AXL: variants seen among roughly 807,000 people sequenced by gnomAD.
The protein encoded by AXL is AXL receptor tyrosine kinase, also known as tyrosine-protein kinase receptor UFO.
AXL carries 52 observed loss-of-function variants against 104.5 expected under a neutral mutation model. The observed-to-expected ratio is 0.50, with a 90% CI of 0.40 to 0.63. The LOEUF (loss-of-function observed/expected upper bound fraction) is 0.63, where lower values mean the gene tolerates loss of function less well. Among genes scored for constraint, AXL ranks in the 20% least tolerant of loss-of-function variants. AXL has a pLI of 0.00. For missense variants in AXL, 1,024 were observed against 1,188.5 expected (o/e 0.86, Z 2.04); for synonymous variants, 455 against 473.7 (o/e 0.96, Z 0.51).
Position 41,219,421 on chromosome 19 carries a change from G to C in AXL, c.29G>C (p.Arg10Thr). The change falls in exon 1 of 20, where the codon AGG becomes ACG. Residue 10 changes from arginine (R) to threonine (T), a missense_variant. By Grantham distance (71) the Arg-to-Thr change is moderately conservative (BLOSUM62 -1). Transcript: ENST00000301178. ...GCGTGGCGGTGCCCCAGGATGGGCA[G>C]GGTCCCGCTGGCCTGGTGCTTGGCG... MAWRCPRMG[R>T]VPLAWCLALC... is the part of the protein sequence containing the mutation. The C allele has an allele frequency of 6.2e-7, 1 of 1,605,530 alleles. No individual in the cohort carries two copies. The highest frequency in any genetic ancestry group is 8.5e-7 in the Non-Finnish European group (1 of 1,176,384).
chr19:41,253,728 C>T lies in AXL; in HGVS notation c.2036+20C>T. 2 of 452,032 alleles carry T rather than the reference C, an allele frequency of 4.4e-6. No individual in the cohort carries two copies. The highest frequency in any genetic ancestry group is 9.5e-5 in the East Asian group (1 of 10,536). 28.0% of individuals were successfully genotyped at this position (452,032 alleles called of 1,614,324 possible). ...CTGCATGTGAGTGCCTTTCAGGGAC[C>T]CCCCCCCCCCAACTGCTCCTGCACT... On this transcript the variant is annotated intron_variant, in intron 17 of 19. Coordinates refer to ENST00000301178, the MANE Select transcript of AXL (RefSeq NM_021913.5).
rs201596308 is a variant in AXL, at chr19:41,238,061, C to T, written c.901C>T (p.Pro301Ser). ...TCAGCTTCGGCTAGGCAGCCTCCAT[C>T]CTCACACCCCTTATCACATCCGCGT... ...PHQLRLGSLH[P>S]HTPYHIRVAC... Residue 301 changes from proline to serine, a missense_variant, in exon 7 of 20, where the codon CCT becomes TCT. Around this residue, in one of 5 missense-constraint regions of AXL, gnomAD observed 332 missense variants for 343.9 expected, o/e 0.97. Transcript: ENST00000301178. The T allele has an allele frequency of 5.8e-5, 93 of 1,614,086 alleles. No homozygotes were observed. Among genetic ancestry groups the T allele is most frequent in the Middle Eastern group, 1.7e-4 (1 of 6,060 alleles).
At chr19:41,253,041 C>A in intron 16 of AXL, 74 bp downstream of exon 16, 1 of 1,522,376 alleles carries the variant, frequency 6.6e-7, no homozygotes, top group Non-Finnish European at 9.0e-7. Context: ...TGCTCAGACC[C>A]TGGGAAGACC....
intron 1 of AXL, among the ~76,000 whole-genome samples, chr19:41,220,124 C>G (rs148436831): frequency 0.024 from 3,578 of 152,020 alleles, 81 homozygotes; most frequent in Middle Eastern, 0.048. Context: ...CCGCCCCCAC[C>G]TTTTCTTCTC....
chr19:41,232,825 T>A (rs1056520797), intron 6 of AXL, among the ~76,000 whole-genome samples: 2 of 151,946 alleles, frequency 1.3e-5, no homozygotes, highest in African/African-American at 4.8e-5. Flanking sequence ...GTGCACCGGG[T>A]CTTGCATTAA....
At chr19:41,234,862 C>T (rs1195746016) in intron 6 of AXL, among the ~76,000 whole-genome samples, 1 of 152,194 alleles carries the variant, frequency 6.6e-6, no homozygotes, top group Non-Finnish European at 1.5e-5. Context: ...AAGCCCTTGG[C>T]TGCACCATTC....
At chr19:41,244,091 C>G (rs2034231327) in intron 12 of AXL, among the ~76,000 whole-genome samples, 2 of 151,874 alleles carry the variant, frequency 1.3e-5, no homozygotes, top group Non-Finnish European at 1.5e-5. Context: ...GTACTCCCTG[C>G]TACTCGGGAG....
At chr19:41,222,199 GTCTGTCTCTGCCTC>G (rs2033803682) in intron 4 of AXL, 143 bp downstream of exon 4, 2 of 928,348 alleles carry the variant, frequency 2.2e-6, no homozygotes, top group Admixed American at 6.6e-5. Context: ...CTCCCTCTGA[GTCTGTCTCTGCCTC>G]TCTGTCTCTA....
At chr19:41,232,537 C>T (rs529064535) in intron 6 of AXL, among the ~76,000 whole-genome samples, 4 of 151,972 alleles carry the variant, frequency 2.6e-5, no homozygotes, top group African/African-American at 9.6e-5. Flanking sequence ...GCAGGAGAAT[C>T]CCTTGAACCC....
chr19:41,231,423 G>A, intron 6 of AXL, 125 bp downstream of exon 6: 1 of 880,398 alleles, frequency 1.1e-6, no homozygotes, highest in Non-Finnish European at 1.7e-6. Flanking sequence ...GAGCCTGGGG[G>A]GTTAAGCCAG....
chr19:41,227,567 C>T (rs1361239908), intron 4 of AXL, among the ~76,000 whole-genome samples: 1 of 151,202 alleles, frequency 6.6e-6, no homozygotes, highest in African/African-American at 2.4e-5. Context: ...CTCACTGCAA[C>T]CTCCGCAGCC....
At chr19:41,258,646 G>T (rs1314184879) in intron 19 of AXL, among the ~76,000 whole-genome samples, 1 of 152,146 alleles carries the variant, frequency 6.6e-6, no homozygotes, top group Non-Finnish European at 1.5e-5. Flanking sequence ...TTGATATCGT[G>T]ACCTCATGAT....
intron 4 of AXL, among the ~76,000 whole-genome samples, chr19:41,222,891 G>GAA (rs1277462782): frequency 1.3e-5 from 2 of 149,296 alleles, no homozygotes; most frequent in East Asian, 4.0e-4. Context: ...GGGCGACAGG[G>GAA]CGAGACTCCA....
intron 10 of AXL, among the ~76,000 whole-genome samples, chr19:41,240,147 G>A (rs1048656509): frequency 3.3e-5 from 5 of 151,400 alleles, no homozygotes; most frequent in Non-Finnish European, 7.4e-5. Context: ...GATGAATAGA[G>A]GGTGGATAGG....
At chr19:41,222,176 G>A in intron 4 of AXL, 120 bp downstream of exon 4, 4 of 1,125,006 alleles carry the variant, frequency 3.6e-6, no homozygotes, top group Non-Finnish European at 4.8e-6. Context: ...CTCACTGTCT[G>A]TCTCTCTCGT....
At chr19:41,247,238 G>A (rs1568416022) in intron 12 of AXL, among the ~76,000 whole-genome samples, 3 of 152,158 alleles carry the variant, frequency 2.0e-5, no homozygotes, top group East Asian at 3.9e-4. Context: ...AGTTGGCCAG[G>A]CGTGGTGGCT....
intron 17 of AXL, among the ~76,000 whole-genome samples, 195 bp downstream of exon 17, chr19:41,253,903 A>G (rs767423819): frequency 1.3e-5 from 2 of 151,848 alleles, no homozygotes; most frequent in Non-Finnish European, 2.9e-5. Context: ...ATCTGGAAGG[A>G]GCATTTGGAT....
intron 14 of AXL, among the ~76,000 whole-genome samples, chr19:41,250,175 G>A (rs973566813): frequency 1.3e-5 from 2 of 152,212 alleles, no homozygotes; most frequent in African/African-American, 2.4e-5. Context: ...AGTAGGACAT[G>A]CTTGTTAATG....
chr19:41,246,413 C>T (rs2034270570), intron 12 of AXL, among the ~76,000 whole-genome samples: 1 of 150,316 alleles, frequency 6.7e-6, no homozygotes, highest in African/African-American at 2.5e-5. Flanking sequence ...TACCACTGGA[C>T]TTCAGCCTGG....
Sources: gnomAD v4.1 joint callset for allele counts (sites outside exome capture counted in the v4.1 genomes callset) on GRCh38, gnomAD v4.1.1 for gene constraint, gnomAD v4.1.1 regional missense constraint, MANE v1.5 for transcripts, NCBI Gene and HGNC (gene_info 2026-07-23, HGNC 2026-07-21) for gene names.